SIDT1: variants seen among roughly 807,000 people sequenced by gnomAD.
The protein encoded by SIDT1 is SID1 transmembrane family member 1, also known as SID1 transmembrane family, member 1.
Under a neutral mutation model 107.5 loss-of-function variants are expected in SIDT1, and 101 were observed. That is an observed-to-expected ratio of 0.94 (90% CI 0.80 to 1.11). The LOEUF is 1.11. Among genes scored for constraint, SIDT1 ranks in the 50% least tolerant of loss-of-function variants. The pLI is 0.00. For synonymous variants in SIDT1, 395 were observed against 398.2 expected (o/e 0.99, Z 0.10); for missense variants, 1,076 against 1,058.2 (o/e 1.02, Z -0.23).
At chr3:113,612,874 A>G (rs183270209) in intron 19 of SIDT1, among the ~76,000 whole-genome samples, 1 of 152,356 alleles carries the variant, frequency 6.6e-6, no homozygotes, top group Admixed American at 6.5e-5. Context: ...ATTATTATAT[A>G]TAAACATAGG....
intron 1 of SIDT1, among the ~76,000 whole-genome samples, chr3:113,533,657 G>A (rs1364083910): frequency 6.6e-6 from 1 of 152,216 alleles, no homozygotes; most frequent in Non-Finnish European, 1.5e-5. Flanking sequence ...GATTCAGCCA[G>A]ACCCTTCTAT....
At chr3:113,617,253 C>A (rs1485321764) in intron 20 of SIDT1, among the ~76,000 whole-genome samples, 1 of 152,202 alleles carries the variant, frequency 6.6e-6, no homozygotes, top group Non-Finnish European at 1.5e-5. Flanking sequence ...TTGATTTTCA[C>A]AATGAGCAAG....
intron 19 of SIDT1, 96 bp downstream of exon 19, chr3:113,612,290 T>C: frequency 1.2e-6 from 1 of 869,374 alleles, no homozygotes; most frequent in Non-Finnish European, 1.9e-6. Flanking sequence ...GTGTCACTGG[T>C]CACCGTGAAC....
intron 13 of SIDT1, among the ~76,000 whole-genome samples, chr3:113,604,325 C>T (rs541228451): frequency 6.6e-6 from 1 of 152,284 alleles, no homozygotes; most frequent in East Asian, 1.9e-4. Context: ...CTGGAGGATG[C>T]CCTTTTACTT....
chr3:113,577,450 A>G (rs80222182), intron 4 of SIDT1, among the ~76,000 whole-genome samples: 2,620 of 152,346 alleles, frequency 0.017, 75 homozygotes, highest in African/African-American at 0.06. Context: ...TTACAATGTT[A>G]TAAGTGTAGT....
Position 113,598,914 on chromosome 3 carries a change from T to C in SIDT1, c.1046-2674T>C, listed in dbSNP as rs114882485. On this transcript the variant is annotated intron_variant, in intron 10 of 24. Coordinates refer to ENST00000264852, the MANE Select transcript of SIDT1 (RefSeq NM_017699.3). Reference sequence around the variant, plus strand: ...GGCCAAGACTGGAGGATTGCTTGAGTCAAGGAGTTGGAGGCCAGCCTCGTC... The same window carrying C: ...GGCCAAGACTGGAGGATTGCTTGAGCCAAGGAGTTGGAGGCCAGCCTCGTC... 2.7e-3 allele frequency among the ~76,000 whole-genome samples: 415 copies of C among 152,240 alleles called. 2 individuals are homozygous for C. Among genetic ancestry groups the C allele is most frequent in the African/African-American group, 9.6e-3 (397 of 41,530 alleles).
chr3:113,557,449 T>G (rs1186693997), intron 1 of SIDT1, among the ~76,000 whole-genome samples: 3 of 152,032 alleles, frequency 2.0e-5, no homozygotes, highest in Non-Finnish European at 4.4e-5. Flanking sequence ...CCCAATCCAA[T>G]GACTGAAATA....
At chr3:113,564,364 T>C (rs554382962) in intron 1 of SIDT1, among the ~76,000 whole-genome samples, 82 of 152,378 alleles carry the variant, frequency 5.4e-4, no homozygotes, top group African/African-American at 1.9e-3. Flanking sequence ...CTCATTATAT[T>C]ATTCTTGTTA....
intron 3 of SIDT1, among the ~76,000 whole-genome samples, chr3:113,569,093 C>T (rs969496582): frequency 2.2e-5 from 3 of 135,346 alleles, no homozygotes; most frequent in Non-Finnish European, 4.6e-5. Flanking sequence ...GAGCCGAGAT[C>T]ATGCCAATGC....
intron 23 of SIDT1, among the ~76,000 whole-genome samples, chr3:113,624,265 C>A (rs980702871): frequency 1.3e-5 from 2 of 152,232 alleles, no homozygotes; most frequent in Non-Finnish European, 2.9e-5. Context: ...CCTCATTTCT[C>A]GCTAACCCCT....
At chr3:113,572,095 T>C (rs938406913) in intron 3 of SIDT1, among the ~76,000 whole-genome samples, 2 of 152,092 alleles carry the variant, frequency 1.3e-5, no homozygotes, top group East Asian at 1.9e-4. Context: ...GAGGTGAAAT[T>C]GCTGAAATTT....
intron 24 of SIDT1, 39 bp downstream of exon 24, chr3:113,626,254 T>C: frequency 2.2e-6 from 3 of 1,359,268 alleles, no homozygotes; most frequent in Non-Finnish European, 3.2e-6. Flanking sequence ...TTCTTCTCTC[T>C]TTACATCTTG....
At chr3:113,584,949 C>T (rs1260569388) in intron 8 of SIDT1, among the ~76,000 whole-genome samples, 180 bp downstream of exon 8, 2 of 152,112 alleles carry the variant, frequency 1.3e-5, no homozygotes, top group African/African-American at 4.8e-5. Context: ...AAGAAAGGGA[C>T]CTCAATCGTG....
intron 3 of SIDT1, among the ~76,000 whole-genome samples, chr3:113,570,597 A>G (rs1217295595): frequency 6.6e-6 from 1 of 152,210 alleles, no homozygotes; most frequent in Non-Finnish European, 1.5e-5. Context: ...ACCTCATAAT[A>G]TGACTTAGCC....
chr3:113,532,664 T>G lies in SIDT1; in HGVS notation c.-358T>G. 4.2e-6 allele frequency: 1 copy of G among 235,822 alleles called. No homozygotes were observed. 14.6% of individuals were successfully genotyped at this position (235,822 alleles called of 1,614,324 possible). On this transcript the variant is annotated 5_prime_UTR_variant, in exon 1 of 25. The change creates a premature stop within an existing upstream ORF in the 5' untranslated region. Transcript: ENST00000264852. Reference sequence around the variant, plus strand: ...CAATGCCTTTTTATTATTGCTGTTATTGAGGTTGAGGGAGAAGAGATCGGT... The same window carrying G: ...CAATGCCTTTTTATTATTGCTGTTAGTGAGGTTGAGGGAGAAGAGATCGGT...
At chr3:113,620,192 ATGTGTGTGTGTG>A (rs3085042) in intron 21 of SIDT1, among the ~76,000 whole-genome samples, 12 of 144,656 alleles carry the variant, frequency 8.3e-5, no homozygotes, top group Admixed American at 2.8e-4. Context: ...CTTTTACTAA[ATGTGTGTGTGTG>A]TGTGTGTGTG....
intron 1 of SIDT1, among the ~76,000 whole-genome samples, chr3:113,553,785 C>T (rs1940539733): frequency 6.6e-6 from 1 of 152,180 alleles, no homozygotes; most frequent in Admixed American, 6.5e-5. Context: ...GTGGCTCACG[C>T]CTGTAATCCC....
intron 8 of SIDT1, 104 bp from the exon 9 acceptor site, chr3:113,585,073 T>G (rs1169428747): frequency 1.2e-6 from 1 of 812,182 alleles, no homozygotes; most frequent in African/African-American, 1.7e-5. Context: ...TATTAGGACC[T>G]AAGAATCAAT....
At position 113,532,974 on chromosome 3, in the gene SIDT1, C is replaced by G; in HGVS notation, c.-48C>G. 8.0e-7 allele frequency: 1 copy of G among 1,249,098 alleles called. No individual in the cohort carries two copies. The allele number at this position is 1,249,098 out of a possible 1,614,324, so 77.4% of individuals were successfully genotyped here. A position where few individuals can be genotyped will look rare whatever the true frequency, so the allele number is the denominator to read the frequency against. On this transcript the variant is annotated 5_prime_UTR_variant, in exon 1 of 25. Coordinates refer to ENST00000264852, the MANE Select transcript of SIDT1 (RefSeq NM_017699.3). ...TTGGAAGGACCCTCTCTGCGCTCGC[C>G]CCCTCCCCAGGGTGGCTCCGCTTTC...
Sources: allele counts gnomAD v4.1 joint callset (sites outside exome capture counted in the v4.1 genomes callset), GRCh38; gene constraint gnomAD v4.1.1; transcripts MANE v1.5; gene names NCBI Gene and HGNC (gene_info 2026-07-23, HGNC 2026-07-21).